PPFIA1: variants seen among roughly 807,000 people sequenced by gnomAD.
The protein encoded by PPFIA1 is PPFI scaffold protein A1.
Under a neutral mutation model 149.9 loss-of-function variants are expected in PPFIA1, and 25 were observed. The observed-to-expected ratio is 0.17, with a 90% CI of 0.12 to 0.23. The LOEUF (loss-of-function observed/expected upper bound fraction) is 0.23. PPFIA1 is among the 10% of genes least tolerant of loss of function. The pLI, the probability that PPFIA1 is intolerant of heterozygous loss-of-function variation, is 1.00. For synonymous variants in PPFIA1, 549 were observed against 552.8 expected, an observed-to-expected ratio of 0.99 and a Z score of 0.10; for missense variants, 1,362 against 1,506.5, an observed-to-expected ratio of 0.90 and a Z score of 1.59.
chr11:70,311,169 C>T (rs999392132), intron 2 of PPFIA1, among the ~76,000 whole-genome samples: 1 of 151,996 alleles, frequency 6.6e-6, no homozygotes, highest in Non-Finnish European at 1.5e-5. Flanking sequence ...ATTAGCCAGG[C>T]GTGGTGGTGC....
intron 2 of PPFIA1, among the ~76,000 whole-genome samples, chr11:70,287,331 A>G (rs778544249): frequency 6.6e-6 from 1 of 152,098 alleles, no homozygotes; most frequent in Non-Finnish European, 1.5e-5. Flanking sequence ...AACTTTGTAA[A>G]TAAGCCGTTG....
At chr11:70,368,654 C>G (rs1238221413) in intron 21 of PPFIA1, among the ~76,000 whole-genome samples, 1 of 152,182 alleles carries the variant, frequency 6.6e-6, no homozygotes, top group Non-Finnish European at 1.5e-5. Flanking sequence ...TTTTAAATTT[C>G]AATTTTCAGT....
intron 15 of PPFIA1, among the ~76,000 whole-genome samples, chr11:70,346,214 C>T (rs1300310225): frequency 6.6e-6 from 1 of 152,146 alleles, no homozygotes; most frequent in Non-Finnish European, 1.5e-5. Context: ...CTGGGATCTA[C>T]CCTCGGGCCC....
chr11:70,362,514 T>C, intron 21 of PPFIA1, 26 bp downstream of exon 21: 2 of 1,549,294 alleles, frequency 1.3e-6, no homozygotes, highest in Non-Finnish European at 1.7e-6. Context: ...ACCCCTGCAT[T>C]CTTTGGAAAC....
At chr11:70,295,512 A>AC (rs527569852) in intron 2 of PPFIA1, among the ~76,000 whole-genome samples, 1,486 of 60,618 alleles carry the variant, frequency 0.025, 64 homozygotes, top group East Asian at 0.14. Flanking sequence ...GGGGGGGCTG[A>AC]CCCCCCCCAC....
At chr11:70,330,138 CT>C in intron 7 of PPFIA1, 34 bp from the exon 8 acceptor site, 2 of 1,528,326 alleles carry the variant, frequency 1.3e-6, no homozygotes, top group Non-Finnish European at 1.8e-6. Flanking sequence ...CGTTAATTAC[CT>C]ACTTTTTTGT....
chr11:70,355,680 G>T lies in PPFIA1; in HGVS notation c.2357G>T (p.Ser786Ile). 1 of 1,613,788 alleles carries T rather than the reference G, an allele frequency of 6.2e-7. No homozygotes were observed. Residue 786 changes from serine to isoleucine, a missense_variant, in exon 18 of 28, where the codon AGT (serine) becomes ATT (isoleucine). By Grantham distance (142) the Ser-to-Ile change is moderately radical. Around this residue, in one of 7 missense-constraint regions of PPFIA1, gnomAD observed 733 missense variants for 744.1 expected, o/e 0.99. Transcript: ENST00000253925. ...GATGGTCCCGTGAGCAACCCCAGCA[G>T]TAGCAACAGTAGCCAGGACTCGCTC... The part of the protein sequence containing the change: ...SQDGPVSNPS[S>I]SNSSQDSLHK...
intron 2 of PPFIA1, among the ~76,000 whole-genome samples, chr11:70,322,525 G>A (rs567753545): frequency 6.6e-6 from 1 of 152,294 alleles, no homozygotes; most frequent in East Asian, 1.9e-4. Flanking sequence ...GATCTCTGAA[G>A]AGGTTTCAGC....
chr11:70,340,183 T>C (rs1468442274), intron 14 of PPFIA1, among the ~76,000 whole-genome samples: 1 of 151,408 alleles, frequency 6.6e-6, no homozygotes, highest in African/African-American at 2.4e-5. Context: ...AGTGTGTGCC[T>C]ATAGTCCCAG....
chr11:70,323,155 C>T (rs761349276), intron 2 of PPFIA1, among the ~76,000 whole-genome samples: 14 of 152,196 alleles, frequency 9.2e-5, no homozygotes, highest in Non-Finnish European at 1.9e-4. Context: ...CCCACACCTC[C>T]AGTTGCCTTC....
At chr11:70,298,982 T>C (rs1013300489) in intron 2 of PPFIA1, among the ~76,000 whole-genome samples, 2 of 152,190 alleles carry the variant, frequency 1.3e-5, no homozygotes, top group Non-Finnish European at 2.9e-5. Context: ...CTCACACCTG[T>C]AATCCCAGCA....
At chr11:70,381,910 A>G (rs1295122000) in intron 26 of PPFIA1, among the ~76,000 whole-genome samples, 178 bp from the exon 27 acceptor site, 1 of 147,946 alleles carries the variant, frequency 6.8e-6, no homozygotes, top group Non-Finnish European at 1.5e-5. Flanking sequence ...GAGAGCCACC[A>G]CTGGGTGACA....
At chr11:70,375,207 AG>A in intron 24 of PPFIA1, 114 bp downstream of exon 24, 1 of 342,096 alleles carries the variant, frequency 2.9e-6, no homozygotes, top group Non-Finnish European at 4.3e-6. Context: ...AAAAAACTTC[AG>A]ACAACTAGTT....
intron 2 of PPFIA1, among the ~76,000 whole-genome samples, chr11:70,272,693 G>A (rs760447688): frequency 7.2e-5 from 11 of 152,310 alleles, no homozygotes; most frequent in Non-Finnish European, 1.0e-4. Flanking sequence ...GGTTCAGGAA[G>A]TTCTCCAGAG....
chr11:70,293,427 C>T (rs1025907654), intron 2 of PPFIA1, among the ~76,000 whole-genome samples: 4 of 152,170 alleles, frequency 2.6e-5, no homozygotes, highest in African/African-American at 4.8e-5. Flanking sequence ...CCTGCAATTT[C>T]GTTGGTATTT....
intron 2 of PPFIA1, among the ~76,000 whole-genome samples, chr11:70,277,600 C>G (rs2050489879): frequency 6.6e-6 from 1 of 151,712 alleles, no homozygotes; most frequent in Non-Finnish European, 1.5e-5. Context: ...GAGCGATTTT[C>G]TTGCCTCAGC....
At chr11:70,333,611 G>A (rs1016247919) in intron 10 of PPFIA1, 58 bp downstream of exon 10, 28 of 1,392,926 alleles carry the variant, frequency 2.0e-5, no homozygotes, top group South Asian at 2.4e-5. Context: ...GTCATTGCTC[G>A]GCTGTGGGGA....
chr11:70,316,593 G>C (rs371722824), intron 2 of PPFIA1, among the ~76,000 whole-genome samples: 24 of 152,284 alleles, frequency 1.6e-4, no homozygotes, highest in African/African-American at 5.8e-4. Context: ...ACGTGAGGTT[G>C]GGGACCATGA....
chr11:70,298,429 A>G (rs141612334), intron 2 of PPFIA1, among the ~76,000 whole-genome samples: 104 of 152,344 alleles, frequency 6.8e-4, no homozygotes, highest in African/African-American at 2.5e-3. Flanking sequence ...GAGACTGCTT[A>G]AAAGCACATT....
Sources: allele counts gnomAD v4.1 joint callset (sites outside exome capture counted in the v4.1 genomes callset), GRCh38; gene constraint gnomAD v4.1.1; regional missense constraint gnomAD v4.1.1; transcripts MANE v1.5; gene names NCBI Gene and HGNC (gene_info 2026-07-23, HGNC 2026-07-21).